Variants in SENP8 observed in about 807,000 individuals in gnomAD.
The protein encoded by SENP8 is sentrin-specific protease 8.
In SENP8, 10 loss-of-function variants were observed where a neutral mutation model predicts 14.4. That is an observed-to-expected ratio of 0.69 (90% confidence interval 0.43 to 1.18). SENP8 has a LOEUF of 1.18. Among genes scored for constraint, SENP8 ranks in the 50% most tolerant of loss-of-function variants. The pLI is 0.00. For missense variants in SENP8, 202 were observed against 249.4 expected, an observed-to-expected ratio of 0.81 and a Z score of 1.28; for synonymous variants, 94 against 95.5, an observed-to-expected ratio of 0.98 and a Z score of 0.09.
chr15:72,121,953 C>T (rs1596641559), intron 1 of SENP8, among the ~76,000 whole-genome samples: 1 of 152,336 alleles, frequency 6.6e-6, no homozygotes, highest in South Asian at 2.1e-4. Flanking sequence ...ACCATAAGTT[C>T]ACAGATCTTG....
intron 1 of SENP8, among the ~76,000 whole-genome samples, chr15:72,121,101 G>A (rs1302514031): frequency 1.3e-5 from 2 of 152,210 alleles, no homozygotes; most frequent in African/African-American, 4.8e-5. Flanking sequence ...TGGGATGAGA[G>A]GCTGGCTCTG....
At chr15:72,135,436 C>G (rs1221984435) in intron 1 of SENP8, 1 of 151,474 alleles carries the variant, frequency 6.6e-6, no homozygotes, top group Admixed American at 6.6e-5. Context: ...AAAAAAAACT[C>G]TGGACTATAA....
chr15:72,127,965 G>A (rs947958349), intron 1 of SENP8, among the ~76,000 whole-genome samples: 6 of 152,118 alleles, frequency 3.9e-5, no homozygotes, highest in Non-Finnish European at 7.4e-5. Context: ...TGGTATGCAC[G>A]TATAGTGCAT....
intron 1 of SENP8, among the ~76,000 whole-genome samples, chr15:72,138,947 A>G (rs2081353412): frequency 6.8e-6 from 1 of 147,254 alleles, no homozygotes; most frequent in South Asian, 2.3e-4. Context: ...TCTGGGCGAC[A>G]GAGTGTGACT....
upstream of SENP8, chr15:72,114,294 G>A (rs893622003): frequency 1.3e-5 from 2 of 152,154 alleles, no homozygotes; most frequent in Non-Finnish European, 2.9e-5. Context: ...TGAACAGGAG[G>A]GCATGACAAG....
intron 1 of SENP8, among the ~76,000 whole-genome samples, chr15:72,133,250 T>C (rs548741695): frequency 3.9e-5 from 6 of 152,232 alleles, no homozygotes; most frequent in Non-Finnish European, 7.3e-5. Context: ...TATAGCTGAA[T>C]TATTATCTTC....
chr15:72,123,591 AGT>A (rs2081186777), intron 1 of SENP8, among the ~76,000 whole-genome samples: 2 of 148,278 alleles, frequency 1.3e-5, no homozygotes, highest in South Asian at 4.2e-4. Context: ...CCCAGGCTGG[AGT>A]GCAGTGGCGT....
At chr15:72,114,654 T>A (rs539324267), upstream of SENP8, 1 of 152,314 alleles carries the variant, frequency 6.6e-6, no homozygotes, top group South Asian at 2.1e-4. Context: ...TCCTAAATGT[T>A]TGGATTGAAG....
At chr15:72,126,130 C>T (rs2081216696) in intron 1 of SENP8, among the ~76,000 whole-genome samples, 1 of 151,962 alleles carries the variant, frequency 6.6e-6, no homozygotes, top group East Asian at 1.9e-4. Context: ...ACCATGTAAT[C>T]TCACTTCATA....
chr15:72,117,570 G>A (rs2081041702), upstream of SENP8: 5 of 377,930 alleles, frequency 1.3e-5, no homozygotes, highest in East Asian at 1.9e-4. Context: ...CCCGCTCGCG[G>A]GGCGTCTCCG....
At chr15:72,118,001 C>T (rs1158789733), upstream of SENP8, 15 of 398,788 alleles carry the variant, frequency 3.8e-5, no homozygotes, top group Non-Finnish European at 5.7e-5. Context: ...CCGCCGCCGC[C>T]TCTCGCAGTC....
At chr15:72,119,607 G>A (rs11631650) in intron 1 of SENP8, among the ~76,000 whole-genome samples, 95,088 of 151,982 alleles carry the variant, frequency 0.63, 31,423 homozygotes, top group Middle Eastern at 0.74. Context: ...AATTAGCCGG[G>A]CGTGGTAGCA....
intron 1 of SENP8, among the ~76,000 whole-genome samples, chr15:72,130,940 G>C (rs2081268074): frequency 1.3e-5 from 2 of 152,064 alleles, no homozygotes; most frequent in African/African-American, 2.4e-5. Flanking sequence ...TAGAGCTAGT[G>C]GAAACTTAGA....
chr15:72,130,301 G>C (rs903658900), intron 1 of SENP8, among the ~76,000 whole-genome samples: 2 of 152,160 alleles, frequency 1.3e-5, no homozygotes, highest in Non-Finnish European at 1.5e-5. Context: ...ATTCAACCTG[G>C]AAATTTACAG....
At chr15:72,130,346 A>G (rs2081260988) in intron 1 of SENP8, among the ~76,000 whole-genome samples, 1 of 152,208 alleles carries the variant, frequency 6.6e-6, no homozygotes, top group Non-Finnish European at 1.5e-5. Context: ...GGGATTGGCA[A>G]ACTTTTTCTC....
chr15:72,141,293 T>C lies in SENP8; in HGVS notation c.*1031T>C, dbSNP rs577793638. On this transcript the variant is annotated 3_prime_UTR_variant, in exon 2 of 2. Coordinates refer to ENST00000340912, the MANE Select transcript of SENP8 (RefSeq NM_145204.4). ...AAATATAAAGGAAGAAAAGTGACCT[T>C]TCTCAGCCCTTTTACTTAATTAAAA... 2.0e-5 allele frequency: 3 copies of C among 152,340 alleles called. No homozygotes were observed. The highest frequency in any genetic ancestry group is 3.9e-4 in the East Asian group (2 of 5,192). 9.4% of individuals were successfully genotyped at this position (152,340 alleles called of 1,614,324 possible). A position where few individuals can be genotyped will look rare whatever the true frequency, so the allele number is the denominator to read the frequency against.
At chr15:72,116,977 T>C (rs1265154947), upstream of SENP8, 1 of 152,070 alleles carries the variant, frequency 6.6e-6, no homozygotes, top group African/African-American at 2.4e-5. Context: ...GGGAATACAT[T>C]AGGCTAAGCA....
In SENP8 at chr15:72,141,054, C is replaced by T. The variant is rs55679065; in HGVS notation, c.*792C>T. 105,625 of 164,698 alleles carry T rather than the reference C, an allele frequency of 0.64. 35,191 individuals are homozygous for T. The highest frequency in any genetic ancestry group is 0.74 in the Middle Eastern group (219 of 296). The allele number at this position is 164,698 out of a possible 1,614,324, so 10.2% of individuals were successfully genotyped here. ...TTGTCTATTAGCCATGCACACACTT[C>T]CTCCTTATATCCAAAGTTCTTTGGT... On this transcript the variant is annotated 3_prime_UTR_variant, in exon 2 of 2. Transcript: ENST00000340912.
chr15:72,115,885 CATT>C (rs1300568178), upstream of SENP8, among the ~76,000 whole-genome samples: 1 of 152,012 alleles, frequency 6.6e-6, no homozygotes, highest in African/African-American at 2.4e-5. Flanking sequence ...AAGCATGTAA[CATT>C]GTTGGTAAAA....
Sources: allele counts gnomAD v4.1 joint callset (sites outside exome capture counted in the v4.1 genomes callset), GRCh38; gene constraint gnomAD v4.1.1; transcripts MANE v1.5; gene names NCBI Gene and HGNC (gene_info 2026-07-23, HGNC 2026-07-21).